RGS6: variants seen among roughly 807,000 people sequenced by gnomAD.
RGS6 encodes the protein regulator of G protein signaling 6, also known as regulator of G-protein signaling 6.
In RGS6, 30 loss-of-function variants were observed where a neutral mutation model predicts 78.5. The ratio of observed to expected loss-of-function variants is 0.38; its 90% CI spans 0.29 to 0.52. The LOEUF is 0.52. RGS6 is among the 20% of genes least tolerant of loss of function. RGS6 has a pLI of 0.85. For synonymous variants in RGS6, 206 were observed against 206.0 expected, an observed-to-expected ratio of 1.00 and a Z score of 0.00; for missense variants, 495 against 609.7, an observed-to-expected ratio of 0.81 and a Z score of 1.98.
At chr14:72,411,829 C>G (rs28886611) in intron 3 of RGS6, among the ~76,000 whole-genome samples, 3 of 151,852 alleles carry the variant, frequency 2.0e-5, no homozygotes, top group Admixed American at 2.0e-4. Context: ...GATTATCATG[C>G]GGTTTTTGTC....
At chr14:72,342,295 G>C (rs1263426019) in intron 2 of RGS6, among the ~76,000 whole-genome samples, 3 of 152,124 alleles carry the variant, frequency 2.0e-5, no homozygotes, top group Non-Finnish European at 2.9e-5. Context: ...GCCAGGTGTG[G>C]TAGCTTATGC....
intron 3 of RGS6, among the ~76,000 whole-genome samples, chr14:72,423,810 C>T (rs925793552): frequency 6.6e-6 from 1 of 152,144 alleles, no homozygotes; most frequent in Non-Finnish European, 1.5e-5. Context: ...ACATGTACCC[C>T]CGAGCCTAAA....
chr14:72,555,266 G>T (rs183868791), intron 17 of RGS6, among the ~76,000 whole-genome samples: 3 of 152,296 alleles, frequency 2.0e-5, no homozygotes, highest in African/African-American at 7.2e-5. Context: ...AGAACGGTGG[G>T]TTCACCCAGC....
chr14:71,883,688 C>G, the RGS6 span, among the ~76,000 whole-genome samples: 3 of 152,126 alleles, frequency 2.0e-5, no homozygotes, highest in Non-Finnish European at 4.4e-5. Context: ...AAGAAGCTGG[C>G]CAAAACCCAC....
intron 2 of RGS6, among the ~76,000 whole-genome samples, chr14:72,233,972 G>T (rs1019838774): frequency 3.3e-5 from 5 of 152,110 alleles, no homozygotes; most frequent in Admixed American, 6.6e-5. Flanking sequence ...ACATCATTTG[G>T]GGGTAGCGGC....
At chr14:71,897,684 C>T in the RGS6 span, among the ~76,000 whole-genome samples, 5 of 151,856 alleles carry the variant, frequency 3.3e-5, no homozygotes, top group African/African-American at 1.2e-4. Flanking sequence ...CCACGCCCAG[C>T]TAATTTTTAT....
In RGS6 at chr14:72,165,413, G is replaced by A. The variant is rs1263358212; in HGVS notation, c.85-186682G>A. ...CAGAGTTAGTTTCCTAAGTGGCATC[G>A]CCTATAATGAGCAGCGTGTTCTCCT... On this transcript the variant is annotated intron_variant, in intron 2 of 17. Transcript: ENST00000553525. Among the ~76,000 whole-genome samples, 8 of 152,282 alleles carry A rather than the reference G, an allele frequency of 5.3e-5. No homozygotes were observed. The South Asian group carries it at 6.2e-4, about 12-fold the overall frequency.
At chr14:72,143,012 G>T (rs1678319429) in intron 2 of RGS6, among the ~76,000 whole-genome samples, 1 of 152,124 alleles carries the variant, frequency 6.6e-6, no homozygotes, top group Admixed American at 6.5e-5. Context: ...GTGGGTAGCA[G>T]GGAAATCACC....
intron 3 of RGS6, among the ~76,000 whole-genome samples, chr14:72,406,152 C>G (rs559512195): frequency 6.6e-6 from 1 of 152,116 alleles, no homozygotes; most frequent in African/African-American, 2.4e-5. Flanking sequence ...TTTGGGAGGC[C>G]GAGGCAGGCA....
At chr14:72,458,750 T>A (rs2095699206) in intron 5 of RGS6, among the ~76,000 whole-genome samples, 1 of 152,202 alleles carries the variant, frequency 6.6e-6, no homozygotes, top group African/African-American at 2.4e-5. Flanking sequence ...GCTCTCTGGC[T>A]CATAGATGGC....
At chr14:72,371,966 A>G (rs996116708) in intron 3 of RGS6, among the ~76,000 whole-genome samples, 5 of 152,124 alleles carry the variant, frequency 3.3e-5, no homozygotes, top group African/African-American at 1.2e-4. Flanking sequence ...AATTCTATAC[A>G]CTAAAATCGC....
intron 2 of RGS6, among the ~76,000 whole-genome samples, chr14:72,040,257 A>G (rs2092269282): frequency 6.6e-6 from 1 of 152,084 alleles, no homozygotes; most frequent in Non-Finnish European, 1.5e-5. Context: ...TTTCATATTG[A>G]TATCTAGGAT....
chr14:72,107,252 A>G (rs1004972849), intron 2 of RGS6, among the ~76,000 whole-genome samples: 1 of 152,274 alleles, frequency 6.6e-6, no homozygotes, highest in East Asian at 1.9e-4. Flanking sequence ...ACAAAAAAAA[A>G]ACATGAACTA....
chr14:72,271,703 T>C lies in RGS6; in HGVS notation c.85-80392T>C, dbSNP rs376509228. Among the ~76,000 whole-genome samples, 39 of 152,330 alleles carry C rather than the reference T, an allele frequency of 2.6e-4. No individual in the cohort carries two copies. In the South Asian group the frequency reaches 6.2e-3, roughly 24 times the overall value. ...CCACAAGCTTAATGGCTTAAAACCA[T>C]GTAAATATATTATCCCACAGTTCTG... On this transcript the variant is annotated intron_variant, in intron 2 of 17. Coordinates refer to ENST00000553525, the MANE Select transcript of RGS6 (RefSeq NM_001204424.2).
intron 2 of RGS6, among the ~76,000 whole-genome samples, chr14:72,281,183 C>G (rs969959004): frequency 4.4e-5 from 6 of 136,300 alleles, no homozygotes; most frequent in Non-Finnish European, 7.6e-5. Context: ...TAGTCTCGCT[C>G]TGTCATCCAG....
chr14:72,257,535 A>C (rs147334119), intron 2 of RGS6, among the ~76,000 whole-genome samples: 1 of 152,182 alleles, frequency 6.6e-6, no homozygotes, highest in Admixed American at 6.5e-5. Flanking sequence ...AAAATTCTCT[A>C]TTGGGTACAA....
intron 2 of RGS6, among the ~76,000 whole-genome samples, chr14:72,169,227 G>A (rs1032791870): frequency 2.6e-5 from 4 of 152,180 alleles, no homozygotes; most frequent in Non-Finnish European, 5.9e-5. Context: ...GATTCTTCGG[G>A]TGGAGTAATG....
intron 2 of RGS6, among the ~76,000 whole-genome samples, chr14:72,103,737 G>A (rs555434456): frequency 2.5e-4 from 38 of 152,330 alleles, no homozygotes; most frequent in African/African-American, 8.4e-4. Flanking sequence ...CCGGAAGTAT[G>A]CTGGAAGCAT....
chr14:72,529,937 C>T (rs998029121), intron 15 of RGS6, among the ~76,000 whole-genome samples: 3 of 152,236 alleles, frequency 2.0e-5, no homozygotes, highest in East Asian at 1.9e-4. Flanking sequence ...GTTATCTCAG[C>T]GTCTGACACA....
Sources: gnomAD v4.1 joint callset for allele counts (sites outside exome capture counted in the v4.1 genomes callset) on GRCh38, gnomAD v4.1.1 for gene constraint, MANE v1.5 for transcripts, NCBI Gene and HGNC (gene_info 2026-07-23, HGNC 2026-07-21) for gene names.